Variants in FRMPD4 observed in about 807,000 individuals in gnomAD.
FRMPD4 encodes FERM and PDZ domain containing 4, also known as FERM and PDZ domain-containing protein 4.
In FRMPD4, 22 loss-of-function variants were observed where a neutral mutation model predicts 94.1. The observed-to-expected ratio is 0.23, with a 90% CI of 0.17 to 0.33. FRMPD4 has a LOEUF of 0.33. Ranked by LOEUF, FRMPD4 falls within the 10% of genes least tolerant of loss-of-function variation. FRMPD4 has a pLI of 1.00. For missense variants in FRMPD4, 1,111 were observed against 1,339.9 expected (o/e 0.83, Z 2.67); for synonymous variants, 631 against 548.6 (o/e 1.15, Z -2.10).
chrX:12,115,641 T>A (rs1263346370), intron 3 of FRMPD4, among the ~76,000 whole-genome samples: 1 of 110,249 alleles, frequency 9.1e-6, no homozygotes, highest in Non-Finnish European at 1.9e-5. Context: ...CTTTTTTTTT[T>A]TTCTTCCTCA....
intron 5 of FRMPD4, among the ~76,000 whole-genome samples, chrX:12,678,501 A>G (rs1398852356): frequency 1.8e-5 from 2 of 112,110 alleles, no homozygotes; most frequent in Non-Finnish European, 3.8e-5. Flanking sequence ...AGAATTCCAA[A>G]GCCAATCTTA....
chrX:12,133,209 ATTTATTTTATTTTAT>A (rs60859880), intron 3 of FRMPD4, among the ~76,000 whole-genome samples: 14 of 98,140 alleles, frequency 1.4e-4, no homozygotes, highest in East Asian at 7.1e-4. Flanking sequence ...GTTTCTAAAA[ATTTATTTTATTTTAT>A]TTTATTTTAT....
At chrX:12,553,433 CCTATATATATAT>C (rs1195196135) in intron 2 of FRMPD4, among the ~76,000 whole-genome samples, 5 of 28,753 alleles carry the variant, frequency 1.7e-4, no homozygotes, top group African/African-American at 5.2e-4. Context: ...TATCCATATG[CCTATATATATAT>C]ATATATATAT....
At chrX:12,634,669 C>T (rs2059426024) in intron 4 of FRMPD4, among the ~76,000 whole-genome samples, 1 of 110,587 alleles carries the variant, frequency 9.0e-6, no homozygotes, top group Non-Finnish European at 1.9e-5. Context: ...TTTTAAAAAC[C>T]ACACATTTCT....
chrX:12,578,530 T>C (rs1324809718), intron 2 of FRMPD4, among the ~76,000 whole-genome samples: 1 of 105,834 alleles, frequency 9.4e-6, no homozygotes, highest in Non-Finnish European at 1.9e-5. Flanking sequence ...TAATTATAAA[T>C]GTCTACACCT....
intron 4 of FRMPD4, among the ~76,000 whole-genome samples, chrX:12,615,846 C>T (rs943310892): frequency 5.6e-4 from 62 of 110,447 alleles, no homozygotes; most frequent in African/African-American, 2.0e-3. Flanking sequence ...TTGCACCAAC[C>T]TAATACATCT....
rs184361600 is a variant in FRMPD4, at chrX:12,060,209, A to G, written c.95+182191A>G. On this transcript the variant is annotated intron_variant, in intron 3 of 18. Coordinates refer to the FRMPD4 transcript ENST00000640291. ...CTTTCCACAGTGGCTGAACTAATTT[A>G]TATTCTCACCAACAGTGTATAAACG... Among the ~76,000 whole-genome samples the G allele has an allele frequency of 5.5e-5, 6 of 109,172 alleles. No homozygotes were observed. In the East Asian group the frequency reaches 1.7e-3, roughly 31 times the overall value. 94.8% of individuals were successfully genotyped at this position (109,172 alleles called of 115,157 possible).
chrX:12,599,179 A>AAAAT (rs1172476037), intron 2 of FRMPD4, among the ~76,000 whole-genome samples: 1 of 111,369 alleles, frequency 9.0e-6, no homozygotes, highest in African/African-American at 3.3e-5. Flanking sequence ...CTACTGCCCT[A>AAAAT]AAATATGGAT....
At chrX:12,278,299 G>A (rs180784180) in intron 1 of FRMPD4, among the ~76,000 whole-genome samples, 8 of 112,018 alleles carry the variant, frequency 7.1e-5, no homozygotes, top group Middle Eastern at 9.2e-3. Context: ...CCCAGACCCT[G>A]GTTGATATTC....
At chrX:12,013,612 C>T (rs746930739) in intron 3 of FRMPD4, among the ~76,000 whole-genome samples, 5 of 113,091 alleles carry the variant, frequency 4.4e-5, no homozygotes, top group South Asian at 3.6e-4. Context: ...TTTCCCCTTC[C>T]GGAGACATTT....
At chrX:12,250,401 CTTCTG>C (rs1245618009) in intron 1 of FRMPD4, among the ~76,000 whole-genome samples, 1 of 111,634 alleles carries the variant, frequency 9.0e-6, no homozygotes, top group Non-Finnish European at 1.9e-5. Context: ...TGTATCTACA[CTTCTG>C]TTCAGTAGGT....
At chrX:12,720,049 G>GGAAAGGAAAGGAAAGAAAGAAA (rs1555898469) in intron 16 of FRMPD4, among the ~76,000 whole-genome samples, 1 of 39,584 alleles carries the variant, frequency 2.5e-5, no homozygotes, top group African/African-American at 1.2e-4. Context: ...GGAAAGGAAA[G>GGAAAGGAAAGGAAAGAAAGAAA]GAAAGAAAGA....
At chrX:12,190,171 G>T (rs936658854) in intron 1 of FRMPD4, among the ~76,000 whole-genome samples, 1 of 111,118 alleles carries the variant, frequency 9.0e-6, no homozygotes, top group African/African-American at 3.3e-5. Flanking sequence ...TACAAGATCT[G>T]TATGAGGAAA....
intron 3 of FRMPD4, among the ~76,000 whole-genome samples, chrX:12,060,042 C>A (rs764794490): frequency 1.1e-4 from 12 of 111,253 alleles, no homozygotes; most frequent in South Asian, 3.8e-4. Flanking sequence ...TTCTATGACA[C>A]CTTGGAGAGA....
chrX:11,835,012 A>G (rs972606591), intron 1 of FRMPD4, among the ~76,000 whole-genome samples: 2 of 112,098 alleles, frequency 1.8e-5, no homozygotes, highest in African/African-American at 6.5e-5. Flanking sequence ...AAGGCAAGGA[A>G]TAGCTCCTTT....
intron 1 of FRMPD4, among the ~76,000 whole-genome samples, chrX:12,493,126 T>C: frequency 9.0e-6 from 1 of 111,221 alleles, no homozygotes; most frequent in Non-Finnish European, 1.9e-5. Context: ...TCCAGAACCA[T>C]CTATTATCAT....
chrX:12,597,819 A>G (rs2059045925), intron 2 of FRMPD4, among the ~76,000 whole-genome samples: 1 of 111,502 alleles, frequency 9.0e-6, no homozygotes, highest in African/African-American at 3.3e-5. Context: ...TGGTTTTGCT[A>G]TGTGGTAATG....
chrX:12,598,967 G>A (rs1307829990), intron 2 of FRMPD4, among the ~76,000 whole-genome samples: 1 of 111,883 alleles, frequency 8.9e-6, no homozygotes, highest in Non-Finnish European at 1.9e-5. Flanking sequence ...AAATTAATTC[G>A]TGTTTGACTC....
At chrX:12,220,725 T>A (rs922475260) in intron 1 of FRMPD4, among the ~76,000 whole-genome samples, 23 of 112,216 alleles carry the variant, frequency 2.0e-4, no homozygotes, top group African/African-American at 6.5e-4. Flanking sequence ...TAGAATATAC[T>A]CTCATGGTCC....
Sources: gnomAD v4.1 joint callset for allele counts (sites outside exome capture counted in the v4.1 genomes callset) on GRCh38, gnomAD v4.1.1 for gene constraint, MANE v1.5 for transcripts, NCBI Gene and HGNC (gene_info 2026-07-23, HGNC 2026-07-21) for gene names.